Variants in RAP1A observed in about 807,000 individuals in gnomAD.
RAP1A encodes the protein ras-related protein Rap-1A.
RAP1A carries 6 observed loss-of-function variants against 26.4 expected under a neutral mutation model. That is an observed-to-expected ratio of 0.23 (90% CI 0.12 to 0.45). The LOEUF is 0.45. Ranked by LOEUF, RAP1A falls within the 20% of genes least tolerant of loss-of-function variation. RAP1A has a pLI of 0.99. For synonymous variants in RAP1A, 73 were observed against 79.4 expected, an observed-to-expected ratio of 0.92 and a Z score of 0.43; for missense variants, 121 against 217.2, an observed-to-expected ratio of 0.56 and a Z score of 2.78.
chr1:111,602,202 T>C (rs1658686034), intron 1 of RAP1A: 3 of 152,222 alleles, frequency 2.0e-5, no homozygotes, highest in Admixed American at 6.5e-5. Context: ...CTGTGGTCCC[T>C]TTCTTCTTGT....
chr1:111,662,025 CA>C (rs1257716841), intron 1 of RAP1A, among the ~76,000 whole-genome samples: 1 of 152,074 alleles, frequency 6.6e-6, no homozygotes, highest in Non-Finnish European at 1.5e-5. Context: ...AGATCCTGTT[CA>C]AACTGATTCA....
In RAP1A at chr1:111,610,602, T is replaced by G. The variant is rs766396567; in HGVS notation, c.-28+68093T>G. Among the ~76,000 whole-genome samples the G allele has an allele frequency of 6.0e-4, 90 of 150,454 alleles. 2 individuals are homozygous for G. The highest frequency in any genetic ancestry group is 1.2e-3 in the Non-Finnish European group (82 of 67,806). ...CACACCCAACACCAGTCACTGAAGA[T>G]GGGGAAGATGGAGTTCTTCCTTGAA... On this transcript the variant is annotated intron_variant, in intron 1 of 7. Transcript: ENST00000356415.
chr1:111,613,209 T>C (rs1658955301), intron 1 of RAP1A, among the ~76,000 whole-genome samples: 1 of 150,416 alleles, frequency 6.6e-6, no homozygotes. Flanking sequence ...TTTCTTTTTC[T>C]TTTTTTTTGA....
chr1:111,661,256 G>C (rs1427195607), intron 1 of RAP1A, among the ~76,000 whole-genome samples: 1 of 152,120 alleles, frequency 6.6e-6, no homozygotes, highest in African/African-American at 2.4e-5. Flanking sequence ...ATTCGGAGGA[G>C]GTCACTAAGT....
intron 1 of RAP1A, among the ~76,000 whole-genome samples, chr1:111,551,161 T>A (rs902909789): frequency 1.3e-5 from 2 of 152,216 alleles, no homozygotes; most frequent in Admixed American, 6.5e-5. Context: ...AAACAGCATA[T>A]AGTTGGATCA....
At chr1:111,607,808 G>A (rs1280261359) in intron 1 of RAP1A, among the ~76,000 whole-genome samples, 8 of 133,242 alleles carry the variant, frequency 6.0e-5, no homozygotes, top group African/African-American at 2.3e-4. Context: ...GCGGCTGGCC[G>A]GGCGGGGGGC....
At chr1:111,695,611 A>T (rs1661803101) in intron 3 of RAP1A, among the ~76,000 whole-genome samples, 1 of 152,222 alleles carries the variant, frequency 6.6e-6, no homozygotes, top group Admixed American at 6.5e-5. Context: ...GTTACTGATT[A>T]GTGACTTGTT....
chr1:111,637,821 G>C (rs1659770498), intron 1 of RAP1A, among the ~76,000 whole-genome samples: 1 of 151,902 alleles, frequency 6.6e-6, no homozygotes. Flanking sequence ...TTTGTCTATA[G>C]TTTTCAATTT....
chr1:111,642,094 A>G (rs546666955), intron 1 of RAP1A, among the ~76,000 whole-genome samples: 3 of 152,174 alleles, frequency 2.0e-5, no homozygotes, highest in Admixed American at 2.0e-4. Context: ...AAAATACAAC[A>G]GTTAGCCGGG....
At chr1:111,589,220 A>C (rs1278678064) in intron 1 of RAP1A, among the ~76,000 whole-genome samples, 1 of 152,226 alleles carries the variant, frequency 6.6e-6, no homozygotes. Context: ...CTGAAACACA[A>C]TCTGGACACC....
intron 1 of RAP1A, among the ~76,000 whole-genome samples, chr1:111,592,365 CA>C (rs1658486511): frequency 1.3e-5 from 2 of 152,224 alleles, no homozygotes; most frequent in South Asian, 4.1e-4. Flanking sequence ...GTTCACAGCA[CA>C]AGCAGTCTGT....
At chr1:111,563,255 A>G (rs1459930426) in intron 1 of RAP1A, among the ~76,000 whole-genome samples, 1 of 152,096 alleles carries the variant, frequency 6.6e-6, no homozygotes, top group Non-Finnish European at 1.5e-5. Flanking sequence ...CAGCCAGGGC[A>G]AAACAGTGAG....
intron 1 of RAP1A, among the ~76,000 whole-genome samples, chr1:111,646,872 A>T (rs1660088227): frequency 6.6e-6 from 1 of 152,142 alleles, no homozygotes; most frequent in South Asian, 2.1e-4. Flanking sequence ...GAACTAGTTG[A>T]TTTATTTTTT....
chr1:111,687,081 A>C (rs1004458728), intron 1 of RAP1A, among the ~76,000 whole-genome samples: 1 of 152,104 alleles, frequency 6.6e-6, no homozygotes, highest in Non-Finnish European at 1.5e-5. Context: ...TTTGCATTTA[A>C]GGTAATGATG....
intron 1 of RAP1A, among the ~76,000 whole-genome samples, chr1:111,544,434 T>G (rs1007017610): frequency 6.6e-6 from 1 of 152,230 alleles, no homozygotes; most frequent in African/African-American, 2.4e-5. Flanking sequence ...TTTGGACATT[T>G]CTATAGATGA....
chr1:111,586,731 A>G (rs1658371689), intron 1 of RAP1A, among the ~76,000 whole-genome samples: 1 of 152,244 alleles, frequency 6.6e-6, no homozygotes, highest in Non-Finnish European at 1.5e-5. Context: ...GAAGGACTGA[A>G]TGAAAGTATA....
intron 1 of RAP1A, among the ~76,000 whole-genome samples, chr1:111,564,335 G>T (rs912151905): frequency 6.6e-6 from 1 of 152,042 alleles, no homozygotes; most frequent in Non-Finnish European, 1.5e-5. Context: ...GCACCTGTTA[G>T]GTGCCAGAAA....
chr1:111,701,161 C>A (rs1002344329), intron 4 of RAP1A, among the ~76,000 whole-genome samples: 1 of 152,008 alleles, frequency 6.6e-6, no homozygotes, highest in Non-Finnish European at 1.5e-5. Flanking sequence ...AATCCTCTCT[C>A]TTTGTCCCTT....
At chr1:111,623,499 G>C (rs932280482) in intron 1 of RAP1A, among the ~76,000 whole-genome samples, 28 of 152,058 alleles carry the variant, frequency 1.8e-4, no homozygotes, top group African/African-American at 6.8e-4. Flanking sequence ...CTCTGCCTCC[G>C]AGGTTCAAGG....
Sources: allele counts gnomAD v4.1 joint callset (sites outside exome capture counted in the v4.1 genomes callset), GRCh38; gene constraint gnomAD v4.1.1; transcripts MANE v1.5; gene names NCBI Gene and HGNC (gene_info 2026-07-23, HGNC 2026-07-21).